Variants in LRCH2 observed in about 807,000 individuals in gnomAD.
The protein encoded by LRCH2 is leucine-rich repeat and calponin homology domain-containing protein 2.
Under a neutral mutation model 68.9 loss-of-function variants are expected in LRCH2, and 38 were observed. The ratio of observed to expected loss-of-function variants is 0.55; its 90% CI spans 0.43 to 0.72. LRCH2 has a LOEUF of 0.72. LRCH2 is among the 30% of genes least tolerant of loss of function. The pLI is 0.00. For synonymous variants in LRCH2, 191 were observed against 208.1 expected (o/e 0.92, Z 0.71); for missense variants, 528 against 572.9 (o/e 0.92, Z 0.80).
At chrX:115,120,859 A>G (rs2072133306) in intron 20 of LRCH2, among the ~76,000 whole-genome samples, 1 of 108,211 alleles carries the variant, frequency 9.2e-6, no homozygotes, top group South Asian at 4.1e-4. Context: ...TGATGAGTTC[A>G]TGTCCTTTGT....
chrX:115,128,001 T>C (rs1206339830), intron 15 of LRCH2, among the ~76,000 whole-genome samples: 1 of 111,681 alleles, frequency 9.0e-6, no homozygotes, highest in Non-Finnish European at 1.9e-5. Flanking sequence ...TCTGTGTTCT[T>C]TGAAACGACC....
chrX:115,188,626 T>C (rs1335047541), intron 1 of LRCH2, among the ~76,000 whole-genome samples: 1 of 111,117 alleles, frequency 9.0e-6, no homozygotes, highest in Non-Finnish European at 1.9e-5. Context: ...AGCTCAGGAG[T>C]TGGAGACCAG....
At chrX:115,134,799 G>A (rs1556531373) in intron 14 of LRCH2, among the ~76,000 whole-genome samples, 2 of 83,703 alleles carry the variant, frequency 2.4e-5, no homozygotes, top group African/African-American at 9.0e-5. Context: ...GGATCAAGGA[G>A]TAATATCAAC....
At chrX:115,156,695 C>A (rs1156763375) in intron 11 of LRCH2, 28 bp from the exon 12 acceptor site, 4 of 970,493 alleles carry the variant, frequency 4.1e-6, no homozygotes, top group African/African-American at 3.9e-5. Context: ...CATTAATTCC[C>A]AAATCTATTA....
intron 14 of LRCH2, among the ~76,000 whole-genome samples, chrX:115,137,373 G>C (rs782688638): frequency 1.8e-5 from 2 of 109,895 alleles, no homozygotes; most frequent in Non-Finnish European, 3.8e-5. Context: ...AAAGTTATAG[G>C]ATGTAAATTT....
At chrX:115,188,405 T>G (rs1556555426) in intron 1 of LRCH2, 35 bp from the exon 2 acceptor site, 1 of 982,068 alleles carries the variant, frequency 1.0e-6, no homozygotes, top group East Asian at 3.3e-5. Flanking sequence ...AACATATACC[T>G]ATATCTATGG....
intron 2 of LRCH2, among the ~76,000 whole-genome samples, chrX:115,187,904 A>T (rs7052438): frequency 0.025 from 2,800 of 112,803 alleles, 89 homozygotes; most frequent in African/African-American, 0.086. Context: ...TTGCTACTCA[A>T]ACTGAGGTCT....
intron 20 of LRCH2, among the ~76,000 whole-genome samples, chrX:115,120,829 T>C (rs1556525660): frequency 9.2e-6 from 1 of 108,205 alleles, no homozygotes; most frequent in African/African-American, 3.4e-5. Flanking sequence ...CGCCATGGAA[T>C]ACTATGCAGC....
At chrX:115,169,758 G>A (rs2072591150) in intron 6 of LRCH2, among the ~76,000 whole-genome samples, 1 of 111,180 alleles carries the variant, frequency 9.0e-6, no homozygotes, top group Non-Finnish European at 1.9e-5. Context: ...TTGAAAGGAT[G>A]AATTAAAAAC....
intron 12 of LRCH2, among the ~76,000 whole-genome samples, chrX:115,153,145 CA>C (rs782365745): frequency 0.078 from 2,452 of 31,251 alleles, 73 homozygotes; most frequent in African/African-American, 0.2. Flanking sequence ...CCTGTCTCTA[CA>C]AAAAAAAAAA....
chrX:115,184,598 G>A (rs2072718001), intron 2 of LRCH2, 61 bp from the exon 3 acceptor site: 1 of 947,462 alleles, frequency 1.1e-6, no homozygotes, highest in Non-Finnish European at 1.4e-6. Context: ...TATTAAAAAC[G>A]AAGAAATCAC....
intron 14 of LRCH2, among the ~76,000 whole-genome samples, chrX:115,136,428 T>C (rs2072290595): frequency 1.8e-5 from 2 of 112,055 alleles, no homozygotes; most frequent in South Asian, 3.7e-4. Context: ...CTGAATACAA[T>C]GTAAATGATA....
At chrX:115,116,586 T>A (rs1556524122) in intron 20 of LRCH2, among the ~76,000 whole-genome samples, 1 of 111,471 alleles carries the variant, frequency 9.0e-6, no homozygotes, top group African/African-American at 3.2e-5. Context: ...AACAGATTGT[T>A]GTTAACTGTT....
chrX:115,145,912 T>C (rs1215516228), intron 14 of LRCH2, among the ~76,000 whole-genome samples: 1 of 111,870 alleles, frequency 8.9e-6, no homozygotes, highest in African/African-American at 3.2e-5. Context: ...ACAGCTACCA[T>C]ACAATCCAGC....
intron 20 of LRCH2, among the ~76,000 whole-genome samples, chrX:115,120,262 A>T (rs1244182749): frequency 1.1e-5 from 1 of 88,962 alleles, no homozygotes; most frequent in Non-Finnish European, 2.2e-5. Context: ...AATTTTCACA[A>T]CCTACTCATC....
At chrX:115,146,751 C>T (rs2072385946) in intron 14 of LRCH2, among the ~76,000 whole-genome samples, 1 of 109,717 alleles carries the variant, frequency 9.1e-6, no homozygotes, top group Non-Finnish European at 1.9e-5. Context: ...GATTTACTTA[C>T]TAACTTAACC....
intron 20 of LRCH2, among the ~76,000 whole-genome samples, chrX:115,115,936 C>T (rs987788147): frequency 1.8e-5 from 2 of 110,457 alleles, no homozygotes; most frequent in Admixed American, 9.7e-5. Flanking sequence ...TCAATAAGCA[C>T]AAGAAAAGAT....
In LRCH2 at chrX:115,123,296, T is replaced by C. The variant is rs1446612573; in HGVS notation, c.1850-104A>G. 9 of 540,881 alleles carry C rather than the reference T, an allele frequency of 1.7e-5. No individual in the cohort carries two copies. The Admixed American group carries it at 2.6e-4, about 16-fold the overall frequency. The allele number at this position is 540,881 out of a possible 1,213,427, so 44.6% of individuals were successfully genotyped here. Reference sequence around the variant, plus strand: ...AATCAATACAAAATTACATAAAATATTATTACTCACTAATACATTCCAAAT... The same window carrying C: ...AATCAATACAAAATTACATAAAATACTATTACTCACTAATACATTCCAAAT... On this transcript the variant is annotated intron_variant, in intron 17 of 20. Coordinates refer to ENST00000317135, the MANE Select transcript of LRCH2 (RefSeq NM_020871.4).
chrX:115,113,948 T>C (rs781846744), intron 20 of LRCH2, among the ~76,000 whole-genome samples: 3 of 111,100 alleles, frequency 2.7e-5, no homozygotes, highest in Non-Finnish European at 5.7e-5. Context: ...TTTTACACTA[T>C]ACCCTCTCTT....
Sources: gnomAD v4.1 joint callset for allele counts (sites outside exome capture counted in the v4.1 genomes callset) on GRCh38, gnomAD v4.1.1 for gene constraint, MANE v1.5 for transcripts, NCBI Gene and HGNC (gene_info 2026-07-23, HGNC 2026-07-21) for gene names.